The following DENND1A variants were observed in gnomAD, a reference collection of about 807,000 sequenced individuals.
DENND1A encodes the protein DENN domain-containing protein 1A.
A neutral mutation model predicts 113.7 loss-of-function variants in DENND1A; 51 were observed. That is an observed-to-expected ratio of 0.45 (90% CI 0.36 to 0.57). The LOEUF is 0.57. DENND1A is among the 20% of genes least tolerant of loss of function. The probability of loss-of-function intolerance (pLI) is 0.00; values close to 1 mark genes in which losing one functional copy is unlikely to be tolerated. For synonymous variants in DENND1A, 565 were observed against 570.8 expected (o/e 0.99, Z 0.14); for missense variants, 1,258 against 1,395.9 (o/e 0.90, Z 1.57).
intron 2 of DENND1A, among the ~76,000 whole-genome samples, chr9:123,842,444 T>C (rs1459266044): frequency 6.6e-6 from 1 of 151,934 alleles, no homozygotes; most frequent in Non-Finnish European, 1.5e-5. Flanking sequence ...TCTTTCAGAA[T>C]TTGTCTAGGT....
chr9:123,818,150 G>T (rs1055792601), intron 2 of DENND1A, among the ~76,000 whole-genome samples: 1 of 152,018 alleles, frequency 6.6e-6, no homozygotes, highest in Non-Finnish European at 1.5e-5. Context: ...GCCCAGGCTG[G>T]AGTGCATGCA....
intron 5 of DENND1A, among the ~76,000 whole-genome samples, chr9:123,739,911 G>T (rs2068856765): frequency 6.9e-6 from 1 of 145,304 alleles, no homozygotes; most frequent in Non-Finnish European, 1.5e-5. Flanking sequence ...TTAATTCCCT[G>T]GTACATAGGA....
chr9:123,817,624 G>A (rs1384242962), intron 2 of DENND1A, among the ~76,000 whole-genome samples: 4 of 152,108 alleles, frequency 2.6e-5, no homozygotes, highest in Non-Finnish European at 5.9e-5. Context: ...TTCCTAGTTG[G>A]AATATAAAGG....
At chr9:123,886,616 G>C (rs556253215) in intron 1 of DENND1A, among the ~76,000 whole-genome samples, 7 of 152,300 alleles carry the variant, frequency 4.6e-5, no homozygotes, top group African/African-American at 1.7e-4. Flanking sequence ...AATAAACATT[G>C]AGTCCTTTAA....
At chr9:123,744,271 A>G (rs1459952956) in intron 5 of DENND1A, among the ~76,000 whole-genome samples, 1 of 152,196 alleles carries the variant, frequency 6.6e-6, no homozygotes, top group African/African-American at 2.4e-5. Flanking sequence ...TCACATATAA[A>G]AATTTGTCTC....
intron 13 of DENND1A, among the ~76,000 whole-genome samples, chr9:123,532,430 C>T (rs983618861): frequency 6.6e-6 from 1 of 152,148 alleles, no homozygotes; most frequent in Non-Finnish European, 1.5e-5. Context: ...TAGAATAGTT[C>T]TTGGGTTGTC....
chr9:123,443,140 T>C (rs1228194752), intron 18 of DENND1A, among the ~76,000 whole-genome samples: 6 of 152,264 alleles, frequency 3.9e-5, no homozygotes, highest in Non-Finnish European at 7.4e-5. Flanking sequence ...CAAAGCCACA[T>C]AGTTAGAAGG....
intron 8 of DENND1A, among the ~76,000 whole-genome samples, chr9:123,655,029 A>G (rs2062859334): frequency 6.6e-6 from 1 of 152,148 alleles, no homozygotes; most frequent in Non-Finnish European, 1.5e-5. Context: ...CTGAGAGACA[A>G]TTGAGTGAAA....
chr9:123,519,696 ATG>A (rs2054232924), intron 13 of DENND1A, among the ~76,000 whole-genome samples: 1 of 151,976 alleles, frequency 6.6e-6, no homozygotes, highest in Non-Finnish European at 1.5e-5. Context: ...TTGATTACAG[ATG>A]TGAGCCACCA....
intron 5 of DENND1A, among the ~76,000 whole-genome samples, chr9:123,695,580 G>A (rs1425527912): frequency 1.3e-5 from 2 of 152,154 alleles, no homozygotes; most frequent in Non-Finnish European, 2.9e-5. Flanking sequence ...GACTGACTGT[G>A]AGGTCCTTTG....
At chr9:123,406,800 G>T (rs1469523534) in intron 20 of DENND1A, among the ~76,000 whole-genome samples, 1 of 152,144 alleles carries the variant, frequency 6.6e-6, no homozygotes, top group Non-Finnish European at 1.5e-5. Context: ...GTGTGGGTAG[G>T]GTGAAGGAGC....
At chr9:123,903,704 C>T (rs1024058481) in intron 1 of DENND1A, among the ~76,000 whole-genome samples, 1 of 152,228 alleles carries the variant, frequency 6.6e-6, no homozygotes, top group Non-Finnish European at 1.5e-5. Flanking sequence ...TATCCCGCAC[C>T]TGGCTCAGAG....
chr9:123,637,006 T>C (rs1170564452), intron 9 of DENND1A, among the ~76,000 whole-genome samples: 1 of 152,182 alleles, frequency 6.6e-6, no homozygotes, highest in East Asian at 1.9e-4. Flanking sequence ...ATTTAACAAA[T>C]TGCAATTGCC....
At position 123,401,696 on chromosome 9, in the gene DENND1A, GA is replaced by G. The variant is rs1253853136; in HGVS notation, c.1631+1705del. ...CCAACCAACCAACAAAACTAAAAGTGATACTGACACAGTTCAGGTGATAAGC... is the reference window on the plus strand; with the variant it reads ...CCAACCAACCAACAAAACTAAAAGTGTACTGACACAGTTCAGGTGATAAGC... On this transcript the variant is annotated intron_variant, in intron 21 of 23. Coordinates refer to ENST00000394215, the MANE Select transcript of DENND1A (RefSeq NM_001352964.2). The G allele has an allele frequency of 3.2e-6, 5 of 1,539,388 alleles. No homozygotes were observed. The African/African-American group carries it at 4.1e-5, about 13-fold the overall frequency.
At chr9:123,591,770 T>C (rs751122732) in intron 11 of DENND1A, among the ~76,000 whole-genome samples, 23 of 152,332 alleles carry the variant, frequency 1.5e-4, no homozygotes, top group Non-Finnish European at 2.8e-4. Context: ...TAAGCCCGAA[T>C]GGACAATGTC....
chr9:123,463,964 C>A (rs1268329819), intron 13 of DENND1A, among the ~76,000 whole-genome samples: 1 of 151,708 alleles, frequency 6.6e-6, no homozygotes, highest in African/African-American at 2.4e-5. Context: ...AGAGCTGATG[C>A]CTGCTGGGCT....
intron 5 of DENND1A, among the ~76,000 whole-genome samples, chr9:123,717,021 C>G (rs1218265708): frequency 6.6e-6 from 1 of 152,126 alleles, no homozygotes; most frequent in Non-Finnish European, 1.5e-5. Context: ...CTTTTGCCTT[C>G]TAAAGTTACC....
At position 123,841,400 on chromosome 9, in the gene DENND1A, G is replaced by A. The variant is rs533213459; in HGVS notation, c.88+37551C>T. On this transcript the variant is annotated intron_variant, in intron 2 of 23. Transcript: ENST00000394215. ...TTCTCCAGTAATTTTCATTTTAAAG[G>A]CATTTCCACATAAATTACCTAATTT... Among the ~76,000 whole-genome samples, 4 of 152,140 alleles carry A rather than the reference G, an allele frequency of 2.6e-5. No individual in the cohort carries two copies. The East Asian group carries it at 7.7e-4, about 29-fold the overall frequency.
intron 1 of DENND1A, among the ~76,000 whole-genome samples, chr9:123,879,575 A>C (rs1446422462): frequency 1.5e-5 from 2 of 135,018 alleles, no homozygotes; most frequent in Non-Finnish European, 3.2e-5. Flanking sequence ...CACACACACA[A>C]ATTGTCTAGG....
Sources: allele counts gnomAD v4.1 joint callset (sites outside exome capture counted in the v4.1 genomes callset), GRCh38; gene constraint gnomAD v4.1.1; transcripts MANE v1.5; gene names NCBI Gene and HGNC (gene_info 2026-07-23, HGNC 2026-07-21).